The following STAP2 variants were observed in gnomAD, a reference collection of about 807,000 sequenced individuals.
The protein encoded by STAP2 is signal-transducing adaptor protein 2.
STAP2 carries 58 observed loss-of-function variants against 52.7 expected under a neutral mutation model. That is an observed-to-expected ratio of 1.10 (90% CI 0.89 to 1.37). STAP2 has a LOEUF of 1.37. Ranked by LOEUF, STAP2 falls within the 40% of genes most tolerant of loss-of-function variation. The pLI is 0.00. For synonymous variants in STAP2, 231 were observed against 210.5 expected, an observed-to-expected ratio of 1.10 and a Z score of -0.84; for missense variants, 522 against 519.4, an observed-to-expected ratio of 1.00 and a Z score of -0.05.
chr19:4,327,023 C>A lies in STAP2; in HGVS notation c.764-16G>T, dbSNP rs1393376345. 2 of 1,575,068 alleles carry A rather than the reference C, an allele frequency of 1.3e-6. No individual in the cohort carries two copies. The highest frequency in any genetic ancestry group is 1.7e-6 in the Non-Finnish European group (2 of 1,159,134). ...TCCACGTAGCCTGGAACAGAGAGGG[C>A]GGCCTGGAGGAAGCGCGGCGGCCAG... is the stretch of plus-strand genomic sequence containing the variant. On this transcript the variant is annotated splice_polypyrimidine_tract_variant and intron_variant, in intron 8 of 12. Coordinates refer to ENST00000594605, the MANE Select transcript of STAP2 (RefSeq NM_001013841.2).
intron 4 of STAP2, among the ~76,000 whole-genome samples, chr19:4,330,775 C>T (rs930324607): frequency 1.5e-5 from 2 of 135,198 alleles, no homozygotes; most frequent in African/African-American, 5.6e-5. Flanking sequence ...AGTGCAGTGG[C>T]GCGATCTTGG....
chr19:4,333,637 C>T, intron 3 of STAP2, 57 bp downstream of exon 3: 1 of 1,554,462 alleles, frequency 6.4e-7, no homozygotes, highest in Non-Finnish European at 8.6e-7. Flanking sequence ...AGGGTAGGAG[C>T]ATTTGAGCAT....
chr19:4,333,233 G>A (rs1440925295), intron 3 of STAP2, among the ~76,000 whole-genome samples: 2 of 151,736 alleles, frequency 1.3e-5, no homozygotes, highest in East Asian at 1.9e-4. Flanking sequence ...GGTGGCTCAC[G>A]CCTATAATTC....
At chr19:4,334,186 A>C in intron 1 of STAP2, 142 bp from the exon 2 acceptor site, 1 of 635,114 alleles carries the variant, frequency 1.6e-6, no homozygotes, top group Non-Finnish European at 2.6e-6. Context: ...TCCTGCCTTG[A>C]GTTTCTGATC....
intron 1 of STAP2, among the ~76,000 whole-genome samples, chr19:4,337,314 C>T (rs1971995612): frequency 6.6e-6 from 1 of 151,174 alleles, no homozygotes; most frequent in African/African-American, 2.4e-5. Flanking sequence ...TCACTGCAAC[C>T]TCTGCCTCCC....
At chr19:4,329,466 C>G (rs972660913) in intron 5 of STAP2, among the ~76,000 whole-genome samples, 1 of 152,012 alleles carries the variant, frequency 6.6e-6, no homozygotes, top group Non-Finnish European at 1.5e-5. Context: ...AGCCCTGCCT[C>G]GTAGGCACCT....
intron 9 of STAP2, among the ~76,000 whole-genome samples, chr19:4,326,571 C>T (rs1014854133): frequency 2.0e-5 from 3 of 152,100 alleles, no homozygotes; most frequent in African/African-American, 7.2e-5. Context: ...CCCTCTGACC[C>T]CTCAATGCCC....
In STAP2 at chr19:4,327,188, G is replaced by C; in HGVS notation, c.699C>G (p.Phe233Leu). 6.2e-7 allele frequency: 1 copy of C among 1,614,186 alleles called. No individual in the cohort carries two copies. The highest frequency in any genetic ancestry group is 8.5e-7 in the Non-Finnish European group (1 of 1,180,026). The change falls in exon 8 of 13, where the codon TTC becomes TTG. Residue 233 changes from phenylalanine (F) to leucine (L), a missense_variant. Coordinates refer to ENST00000594605, the MANE Select transcript of STAP2 (RefSeq NM_001013841.2). Reference sequence around the variant, plus strand: ...CCAGCGCCTTTTTGGTATGCGACACGAAATAGTTGACCACGGCGTCCAGGG... The same window carrying C: ...CCAGCGCCTTTTTGGTATGCGACACCAAATAGTTGACCACGGCGTCCAGGG... Reference protein sequence around the residue: ...CTSLDAVVNYFVSHTKKALVP... With the variant: ...CTSLDAVVNYLVSHTKKALVP...
intron 1 of STAP2, 85 bp downstream of exon 1, chr19:4,338,566 TG>T: frequency 2.1e-6 from 1 of 481,548 alleles, no homozygotes; most frequent in East Asian, 8.7e-5. Flanking sequence ...CGCCCCCCCT[TG>T]GCGAGTGGGG....
At position 4,325,408 on chromosome 19, in the gene STAP2, C is replaced by G; in HGVS notation, c.967G>C (p.Glu323Gln). Reference protein sequence around the residue: ...PIGDGPAVDYENQDVASSSWP... With the variant: ...PIGDGPAVDYQNQDVASSSWP... Reference sequence around the variant, plus strand: ...GTTCCCCACCCACCATCTTGGTTCTCATAGTCAACAGCTGGGCCATCTCCA... The same window carrying G: ...GTTCCCCACCCACCATCTTGGTTCTGATAGTCAACAGCTGGGCCATCTCCA... Residue 323 changes from glutamate (E) to glutamine (Q), a missense_variant, in exon 10 of 13, where the codon GAG becomes CAG. Transcript: ENST00000594605. 6.2e-7 allele frequency: 1 copy of G among 1,614,098 alleles called. No individual in the cohort carries two copies. The highest frequency in any genetic ancestry group is 8.5e-7 in the Non-Finnish European group (1 of 1,180,044).
At chr19:4,328,982 G>C (rs1328601126) in intron 5 of STAP2, 173 bp from the exon 6 acceptor site, 1 of 876,054 alleles carries the variant, frequency 1.1e-6, no homozygotes, top group Admixed American at 3.4e-5. Context: ...GGCCTTCCAG[G>C]CTCCTAGTTT....
Position 4,333,689 on chromosome 19 carries a change from C to A in STAP2, c.297+5G>T. ...CCCTCTGCACCCCTCCAGCAAGGGA[C>A]CTACCTTGAACTTGATCTCCTGATC... On this transcript the variant is annotated splice_donor_5th_base_variant and intron_variant, in intron 3 of 12. Coordinates refer to ENST00000594605, the MANE Select transcript of STAP2 (RefSeq NM_001013841.2). The A allele has an allele frequency of 3.7e-6, 6 of 1,610,606 alleles. No individual in the cohort carries two copies. Among genetic ancestry groups the A allele is most frequent in the Non-Finnish European group, 5.1e-6 (6 of 1,179,514 alleles).
chr19:4,332,076 T>TAGA lies in STAP2; in HGVS notation c.299_300insTCT (p.Val100_Glu101insLeu). 2 of 1,609,632 alleles carry TAGA rather than the reference T, an allele frequency of 1.2e-6. No individual in the cohort carries two copies. Among genetic ancestry groups the TAGA allele is most frequent in the South Asian group, 2.2e-5 (2 of 89,904 alleles). ...ACATTTCCCGACACTCCAAGGTCTCTACCTGGGGAACAAAAGAAAGGAAAG... is the reference window on the plus strand; with the variant it reads ...ACATTTCCCGACACTCCAAGGTCTCTAGAACCTGGGGAACAAAAGAAAGGAAAG... On this transcript the variant is annotated inframe_insertion and splice_region_variant, in exon 4 of 13. Transcript: ENST00000594605.
intron 6 of STAP2, 45 bp downstream of exon 6, chr19:4,328,630 T>TGC: frequency 1.9e-6 from 3 of 1,541,492 alleles, no homozygotes; most frequent in Non-Finnish European, 1.8e-6. Flanking sequence ...CCCACCCTCT[T>TGC]CCCACCCTCC....
At position 4,326,782 on chromosome 19, in the gene STAP2, CCA is replaced by C. The variant is rs199567037; in HGVS notation, c.829+158_829+159del. Among the ~76,000 whole-genome samples the C allele has an allele frequency of 1.2e-4, 18 of 152,200 alleles. No individual in the cohort carries two copies. In the East Asian group the frequency reaches 2.3e-3, roughly 20 times the overall value. On this transcript the variant is annotated intron_variant, in intron 9 of 12. Transcript: ENST00000594605. ...CAAGCTGGGACCCCCGCCCCCTCCC[CCA>C]CACACACACCCTGACGGCAGGGTCT... is the stretch of plus-strand genomic sequence containing the variant.
intron 9 of STAP2, among the ~76,000 whole-genome samples, chr19:4,326,134 C>T (rs1488571302): frequency 1.3e-5 from 2 of 151,606 alleles, no homozygotes; most frequent in Non-Finnish European, 2.9e-5. Flanking sequence ...TGCGTTTTGC[C>T]CGTGTATCTA....
chr19:4,332,673 G>A lies in STAP2; in HGVS notation c.298-595C>T, dbSNP rs534838632. Among the ~76,000 whole-genome samples, 6 of 150,644 alleles carry A rather than the reference G, an allele frequency of 4.0e-5. No homozygotes were observed. The South Asian group carries it at 1.3e-3, about 32-fold the overall frequency. Reference sequence around the variant, plus strand: ...GACTGGGTAACATAGCGAGCCCCCTGTCTCTACAAAAAAATAAAATATTAG... The same window carrying A: ...GACTGGGTAACATAGCGAGCCCCCTATCTCTACAAAAAAATAAAATATTAG... On this transcript the variant is annotated intron_variant, in intron 3 of 12. Coordinates refer to ENST00000594605, the MANE Select transcript of STAP2 (RefSeq NM_001013841.2).
intron 11 of STAP2, chr19:4,324,980 A>C (rs1488007280): frequency 1.0e-5 from 5 of 489,678 alleles, no homozygotes; most frequent in South Asian, 6.8e-5. Flanking sequence ...TAAAAATACA[A>C]AAAAAAAAAT....
intron 4 of STAP2, 22 bp from the exon 5 acceptor site, chr19:4,330,083 G>C: frequency 6.2e-7 from 1 of 1,601,388 alleles, no homozygotes; most frequent in African/African-American, 1.3e-5. Flanking sequence ...TCGAGGGACA[G>C]TGACTGCACC....
Sources: gnomAD v4.1 joint callset for allele counts (sites outside exome capture counted in the v4.1 genomes callset) on GRCh38, gnomAD v4.1.1 for gene constraint, MANE v1.5 for transcripts, NCBI Gene and HGNC (gene_info 2026-07-23, HGNC 2026-07-21) for gene names.